The following FAM178B variants were observed in gnomAD, a reference collection of about 807,000 sequenced individuals.
The protein encoded by FAM178B is protein FAM178B.
A neutral mutation model predicts 91.7 loss-of-function variants in FAM178B; 82 were observed. The observed-to-expected ratio is 0.89, with a 90% CI of 0.75 to 1.07. The LOEUF is 1.07. Among genes scored for constraint, FAM178B ranks in the 50% least tolerant of loss-of-function variants. The pLI, the probability that FAM178B is intolerant of heterozygous loss-of-function variation, is 0.00. For missense variants in FAM178B, 769 were observed against 846.7 expected, an observed-to-expected ratio of 0.91 and a Z score of 1.14; for synonymous variants, 368 against 359.4, an observed-to-expected ratio of 1.02 and a Z score of -0.27.
At chr2:96,973,009 G>C (rs2082244108) in intron 1 of FAM178B, among the ~76,000 whole-genome samples, 3 of 151,906 alleles carry the variant, frequency 2.0e-5, no homozygotes, top group Admixed American at 6.6e-5. Flanking sequence ...GTCAAGCCCA[G>C]CCTGGGCAAC....
intron 3 of FAM178B, among the ~76,000 whole-genome samples, chr2:96,971,247 C>G (rs2082212965): frequency 7.0e-6 from 1 of 143,004 alleles, no homozygotes; most frequent in Non-Finnish European, 1.5e-5. Flanking sequence ...CTCCTCTCCT[C>G]TCCCTCCCTC....
chr2:96,891,449 C>G (rs180782203), intron 14 of FAM178B, among the ~76,000 whole-genome samples: 1 of 152,070 alleles, frequency 6.6e-6, no homozygotes, highest in Non-Finnish European at 1.5e-5. Context: ...GGCAGGAGAG[C>G]GAACAGCGAA....
At chr2:96,973,970 T>C (rs2153375903) in intron 1 of FAM178B, among the ~76,000 whole-genome samples, 1 of 151,698 alleles carries the variant, frequency 6.6e-6, no homozygotes, top group African/African-American at 2.4e-5. Flanking sequence ...ACCACTGCAC[T>C]CCAACCTGAG....
rs921460009 is a variant in FAM178B, at chr2:96,936,326, C to T, written c.1079-7006G>A. Among the ~76,000 whole-genome samples, 34 of 152,000 alleles carry T rather than the reference C, an allele frequency of 2.2e-4. 1 individual carries two copies. Among genetic ancestry groups the T allele is most frequent in the African/African-American group, 8.2e-4 (34 of 41,456 alleles). Reference sequence around the variant, plus strand: ...ACACCATTCTCCTGCCTCAGCCTCCCGAGTAGCTGGAACTACAGGCGCCCG... The same window carrying T: ...ACACCATTCTCCTGCCTCAGCCTCCTGAGTAGCTGGAACTACAGGCGCCCG... On this transcript the variant is annotated intron_variant, in intron 8 of 16. Transcript: ENST00000490605.
At chr2:96,949,637 C>T (rs2081891105) in intron 7 of FAM178B, among the ~76,000 whole-genome samples, 1 of 152,194 alleles carries the variant, frequency 6.6e-6, no homozygotes, top group African/African-American at 2.4e-5. Flanking sequence ...CCAGTAACTG[C>T]TCGAGGTTCT....
intron 1 of FAM178B, among the ~76,000 whole-genome samples, chr2:96,977,300 G>C (rs1175120686): frequency 6.8e-6 from 1 of 147,550 alleles, no homozygotes; most frequent in Non-Finnish European, 1.5e-5. Flanking sequence ...TAGGATAATT[G>C]CTTGAACCCG....
chr2:96,910,408 G>A (rs982867213), intron 12 of FAM178B, among the ~76,000 whole-genome samples: 4 of 152,090 alleles, frequency 2.6e-5, no homozygotes, highest in Non-Finnish European at 5.9e-5. Context: ...CCCCTTCGAC[G>A]ACCAATATTT....
intron 8 of FAM178B, among the ~76,000 whole-genome samples, chr2:96,933,349 C>T (rs1422893402): frequency 2.0e-5 from 3 of 152,170 alleles, no homozygotes; most frequent in South Asian, 4.1e-4. Flanking sequence ...CTTTAGGTTA[C>T]CCTTCTGGGA....
chr2:96,908,287 G>C (rs754529783), intron 12 of FAM178B, among the ~76,000 whole-genome samples: 1 of 152,212 alleles, frequency 6.6e-6, no homozygotes, highest in Admixed American at 6.5e-5. Flanking sequence ...TGAGGAACCC[G>C]TCTATATATA....
intron 1 of FAM178B, 150 bp from the exon 2 acceptor site, chr2:96,972,756 T>C (rs1574320409): frequency 3.1e-6 from 2 of 637,028 alleles, no homozygotes; most frequent in East Asian, 2.7e-5. Flanking sequence ...CAAGGTCAAG[T>C]TGCTGAGATG....
Position 96,909,544 on chromosome 2 carries a change from T to C in FAM178B, c.1563-6837A>G, listed in dbSNP as rs77599805. ...TTTTTTGCCATTTTGGTTTGGGTCC[T>C]CTGACGGCCCTGGGGGTTGTCAATG... On this transcript the variant is annotated intron_variant, in intron 12 of 16. Transcript: ENST00000490605. Among the ~76,000 whole-genome samples, 12 of 152,360 alleles carry C rather than the reference T, an allele frequency of 7.9e-5. No individual in the cohort carries two copies. The East Asian group carries it at 2.1e-3, about 27-fold the overall frequency.
intron 1 of FAM178B, among the ~76,000 whole-genome samples, chr2:96,978,782 G>A (rs1270907577): frequency 1.3e-5 from 2 of 151,518 alleles, no homozygotes; most frequent in South Asian, 2.1e-4. Context: ...CCGCCACCAC[G>A]CCCGGCTAAT....
chr2:96,916,304 G>A (rs1422394392), intron 12 of FAM178B, among the ~76,000 whole-genome samples: 2 of 152,194 alleles, frequency 1.3e-5, no homozygotes, highest in East Asian at 1.9e-4. Flanking sequence ...CTGTCCTTTC[G>A]GATTGATTCT....
intron 12 of FAM178B, among the ~76,000 whole-genome samples, chr2:96,917,355 T>G (rs1372382422): frequency 6.6e-6 from 1 of 152,242 alleles, no homozygotes; most frequent in Non-Finnish European, 1.5e-5. Context: ...CGTGGCTGCC[T>G]GAAAGGCAGG....
At chr2:96,983,092 G>A (rs2153376615) in intron 1 of FAM178B, among the ~76,000 whole-genome samples, 1 of 151,010 alleles carries the variant, frequency 6.6e-6, no homozygotes, top group East Asian at 2.0e-4. Flanking sequence ...CCTTGACCAG[G>A]TCAGCCTTGA....
At chr2:96,923,952 G>C (rs1248670273) in intron 9 of FAM178B, among the ~76,000 whole-genome samples, 1 of 152,268 alleles carries the variant, frequency 6.6e-6, no homozygotes, top group East Asian at 1.9e-4. Flanking sequence ...TGGTGAAAGA[G>C]AGAGGGAGAG....
In FAM178B at chr2:96,972,191, T is replaced by TG. The variant is rs1322141818; in HGVS notation, c.273dup (p.Thr92HisfsTer18). 6.5e-7 allele frequency: 1 copy of TG among 1,546,780 alleles called. No individual in the cohort carries two copies. Among genetic ancestry groups the TG allele is most frequent in the Non-Finnish European group, 8.7e-7 (1 of 1,145,046 alleles). Reference sequence around the variant, plus strand: ...TGTATCTTGGGCTTCTTTGGCGATGTGGGAGCTGGAGCCGAGGCAGGGCTG... The same window carrying TG: ...TGTATCTTGGGCTTCTTTGGCGATGTGGGGAGCTGGAGCCGAGGCAGGGCTG... On this transcript the variant is annotated frameshift_variant, in exon 3 of 17. Coordinates refer to ENST00000490605, the MANE Select transcript of FAM178B (RefSeq NM_001122646.3). LOFTEE classifies it high-confidence loss of function.
chr2:96,901,293 C>A (rs985428662), intron 13 of FAM178B, among the ~76,000 whole-genome samples: 1 of 151,526 alleles, frequency 6.6e-6, no homozygotes, highest in Non-Finnish European at 1.5e-5. Flanking sequence ...CTGTCTCAGT[C>A]TCCCGAGTAG....
At chr2:96,899,851 CTTTTTTTTT>C (rs78433909) in intron 13 of FAM178B, among the ~76,000 whole-genome samples, 16,296 of 113,584 alleles carry the variant, frequency 0.14, 1,289 homozygotes, top group African/African-American at 0.24. Flanking sequence ...ATTCCCCACT[CTTTTTTTTT>C]TTTTTTTTTT....
Sources: allele counts gnomAD v4.1 joint callset (sites outside exome capture counted in the v4.1 genomes callset), GRCh38; gene constraint gnomAD v4.1.1; transcripts MANE v1.5; gene names NCBI Gene and HGNC (gene_info 2026-07-23, HGNC 2026-07-21).